Variants in ADGRB1 observed in about 807,000 individuals in gnomAD.
ADGRB1 encodes the protein adhesion G protein-coupled receptor B1, also known as brain-specific angiogenesis inhibitor 1.
ADGRB1 carries 36 observed loss-of-function variants against 175.7 expected under a neutral mutation model. That is an observed-to-expected ratio of 0.20 (90% CI 0.16 to 0.27). ADGRB1 has a LOEUF of 0.27. Among genes scored for constraint, ADGRB1 ranks in the 10% least tolerant of loss-of-function variants. The pLI is 1.00. For missense variants in ADGRB1, 1,731 were observed against 2,255.3 expected (o/e 0.77, Z 4.71); for synonymous variants, 1,054 against 979.4 (o/e 1.08, Z -1.42).
chr8:142,483,582 A>ATATT, intron 11 of ADGRB1, among the ~76,000 whole-genome samples: 1 of 145,736 alleles, frequency 6.9e-6, no homozygotes, highest in Admixed American at 6.8e-5. Flanking sequence ...CCCTGGTCAC[A>ATATT]CCCTGAGCCC....
In ADGRB1 at chr8:142,493,337, T is replaced by G. The variant is rs1275253748; in HGVS notation, c.2675+2522T>G. ...GCTTCCTGACCCTATGGCCAGGGTC[T>G]GCCTGCTTTTAGGCAGGGGCGGGGG... On this transcript the variant is annotated intron_variant, in intron 17 of 30. Transcript: ENST00000517894. The surrounding 1 kb of genome is among the most constrained non-coding windows in gnomAD (Gnocchi z 5.0). 6.6e-6 allele frequency among the ~76,000 whole-genome samples: 1 copy of G among 151,856 alleles called. No homozygotes were observed. Among genetic ancestry groups the G allele is most frequent in the African/African-American group, 2.4e-5 (1 of 41,348 alleles).
Position 142,533,493 on chromosome 8 carries a change from G to A in ADGRB1, c.3570+27G>A, listed in dbSNP as rs182134208. On this transcript the variant is annotated intron_variant, in intron 25 of 30. Transcript: ENST00000517894. Reference sequence around the variant, plus strand: ...TGGGTGAGGCAGCCTCTGTCGGGCCGGGCTCCTGCGGGGTCCTGGGGCTGC... The same window carrying A: ...TGGGTGAGGCAGCCTCTGTCGGGCCAGGCTCCTGCGGGGTCCTGGGGCTGC... The A allele has an allele frequency of 6.4e-5, 100 of 1,565,666 alleles. 1 individual carries two copies. The African/African-American group carries it at 9.2e-4, about 14-fold the overall frequency.
chr8:142,490,876 C>T, intron 17 of ADGRB1, 61 bp downstream of exon 17: 1 of 1,536,750 alleles, frequency 6.5e-7, no homozygotes, highest in Non-Finnish European at 8.8e-7. Context: ...GGAGGCTGGC[C>T]CAGTAGGGGA....
chr8:142,499,292 C>T (rs1400131866), intron 17 of ADGRB1, among the ~76,000 whole-genome samples: 4 of 152,330 alleles, frequency 2.6e-5, no homozygotes, highest in Non-Finnish European at 5.9e-5. Context: ...TCTTGGCTCC[C>T]GTGTCTTTAA....
At chr8:142,468,677 C>T (rs1338907738) in intron 2 of ADGRB1, among the ~76,000 whole-genome samples, 1 of 152,216 alleles carries the variant, frequency 6.6e-6, no homozygotes, top group Non-Finnish European at 1.5e-5. Flanking sequence ...GGAAGTCTTC[C>T]CTAGAGACCC....
Position 142,450,077 on chromosome 8 carries a change from G to T in ADGRB1, c.-247G>T, listed in dbSNP as rs1009242992. On this transcript the variant is annotated 5_prime_UTR_variant, in exon 1 of 31. Transcript: ENST00000517894. ...TTGCAACTCGCCGGATCGAGTCCTCGCCGGCGGGGCCGCTGCTGCTGGGGA... is the reference window on the plus strand; with the variant it reads ...TTGCAACTCGCCGGATCGAGTCCTCTCCGGCGGGGCCGCTGCTGCTGGGGA... 1.3e-5 allele frequency: 2 copies of T among 149,042 alleles called. No homozygotes were observed. The highest frequency in any genetic ancestry group is 4.9e-5 in the African/African-American group (2 of 40,668). The allele number at this position is 149,042 out of a possible 1,614,324, so 9.2% of individuals were successfully genotyped here.
intron 17 of ADGRB1, among the ~76,000 whole-genome samples, chr8:142,501,640 G>C (rs1842551978): frequency 6.8e-6 from 1 of 146,380 alleles, no homozygotes; most frequent in East Asian, 2.0e-4. Flanking sequence ...AGGTGGGGTG[G>C]TGGTGGTGAT....
chr8:142,479,669 C>A (rs1402410383), intron 8 of ADGRB1, 24 bp from the exon 9 acceptor site: 6 of 1,607,672 alleles, frequency 3.7e-6, no homozygotes, highest in Non-Finnish European at 5.1e-6. Context: ...CCTTCCTGAA[C>A]CCCTGTCCCG....
At chr8:142,540,924 A>G (rs1845234821) in intron 27 of ADGRB1, among the ~76,000 whole-genome samples, 2 of 152,080 alleles carry the variant, frequency 1.3e-5, no homozygotes, top group African/African-American at 2.4e-5. Flanking sequence ...GGGACGGGGA[A>G]GCCTGTGTTC....
chr8:142,541,307 A>G (rs1275297210), intron 27 of ADGRB1, among the ~76,000 whole-genome samples: 1 of 152,150 alleles, frequency 6.6e-6, no homozygotes, highest in Non-Finnish European at 1.5e-5. Flanking sequence ...TCAGAGGTCA[A>G]GGCGGCTGGG....
At chr8:142,484,847 G>A (rs975570816) in intron 13 of ADGRB1, 83 bp downstream of exon 13, 3 of 1,056,742 alleles carry the variant, frequency 2.8e-6, no homozygotes, top group Admixed American at 4.4e-5. Flanking sequence ...ATCCTCATCT[G>A]TATAAAGGGG....
Position 142,543,333 on chromosome 8 carries a change from C to T in ADGRB1, c.4414-70C>T. On this transcript the variant is annotated intron_variant, in intron 28 of 30. Transcript: ENST00000517894. This position sits in a 1 kb window ranked among gnomAD's most constrained non-coding sequence, Gnocchi z 4.4. Reference sequence around the variant, plus strand: ...CGAGTGAGTCCCTGATGCCCTCAGTCTGAGGCAGGGAGAGGCGTGGACTTG... The same window carrying T: ...CGAGTGAGTCCCTGATGCCCTCAGTTTGAGGCAGGGAGAGGCGTGGACTTG... 6.3e-7 allele frequency: 1 copy of T among 1,592,916 alleles called. No individual in the cohort carries two copies. The highest frequency in any genetic ancestry group is 1.1e-5 in the South Asian group (1 of 88,738).
Position 142,504,009 on chromosome 8 carries a change from A to G in ADGRB1, c.2676-6923A>G, listed in dbSNP as rs927995403. Among the ~76,000 whole-genome samples, 4 of 152,168 alleles carry G rather than the reference A, an allele frequency of 2.6e-5. No individual in the cohort carries two copies. Among genetic ancestry groups the G allele is most frequent in the African/African-American group, 9.7e-5 (4 of 41,442 alleles). On this transcript the variant is annotated intron_variant, in intron 17 of 30. Transcript: ENST00000517894. This position sits in a 1 kb window ranked among gnomAD's most constrained non-coding sequence, Gnocchi z 5.6. ...AAGCCCAGGAGCCAGCCTCATAGAC[A>G]GGGCACCAAGCCTGAGCAGGCTCCA...
rs540424896 is a variant in ADGRB1, at chr8:142,477,989, T to A, written c.1388-198T>A. ...GGATGTGGGGTGGTGGCCCCCAGGG[T>A]TTACTCACCCGTGTCCCAGCCTGGG... On this transcript the variant is annotated intron_variant, in intron 6 of 30. Transcript: ENST00000517894. Among the ~76,000 whole-genome samples, 10 of 149,838 alleles carry A rather than the reference T, an allele frequency of 6.7e-5. No individual in the cohort carries two copies. In the East Asian group the frequency reaches 2.0e-3, roughly 30 times the overall value.
intron 19 of ADGRB1, 139 bp from the exon 20 acceptor site, chr8:142,520,684 T>A (rs1843787328): frequency 4.6e-6 from 3 of 648,100 alleles, no homozygotes; most frequent in Middle Eastern, 2.4e-4. Flanking sequence ...GCGGTGATGA[T>A]GGTCATGGTG....
intron 25 of ADGRB1, 108 bp from the exon 26 acceptor site, chr8:142,536,879 G>A (rs1844957801): frequency 2.2e-6 from 2 of 913,478 alleles, no homozygotes; most frequent in Admixed American, 2.6e-5. Context: ...GACCAGCCCT[G>A]CCCTTCCCCG....
chr8:142,526,329 A>G (rs1285313458), intron 23 of ADGRB1, among the ~76,000 whole-genome samples: 1 of 152,126 alleles, frequency 6.6e-6, no homozygotes, highest in South Asian at 2.1e-4. Context: ...GGTGCGGGTG[A>G]CACACAGAGA....
intron 2 of ADGRB1, among the ~76,000 whole-genome samples, chr8:142,470,380 AGTGTGTGTGTCCTC>A (rs1425100432): frequency 6.6e-6 from 1 of 152,016 alleles, no homozygotes; most frequent in Non-Finnish European, 1.5e-5. Flanking sequence ...CCTGGGAGCA[AGTGTGTGTGTCCTC>A]GTGTGTGTGT....
In ADGRB1 at chr8:142,474,370, G is replaced by A. The variant is rs943406489; in HGVS notation, c.785-1104G>A. Among the ~76,000 whole-genome samples the A allele has an allele frequency of 4.6e-5, 7 of 152,120 alleles. No individual in the cohort carries two copies. The highest frequency in any genetic ancestry group is 8.8e-5 in the Non-Finnish European group (6 of 68,010). On this transcript the variant is annotated intron_variant, in intron 2 of 30. Coordinates refer to ENST00000517894, the MANE Select transcript of ADGRB1 (RefSeq NM_001702.3). This position sits in a 1 kb window ranked among gnomAD's most constrained non-coding sequence, Gnocchi z 5.8. ...CGTGGTGGCCGCCAGCTGTCTCCTC[G>A]CCACCGTAGCCAGGAGCAGCACTTG... is the stretch of plus-strand genomic sequence containing the variant.
Sources: allele counts gnomAD v4.1 joint callset (sites outside exome capture counted in the v4.1 genomes callset), GRCh38; gene constraint gnomAD v4.1.1; non-coding constraint Gnocchi (gnomAD v3.1); transcripts MANE v1.5; gene names NCBI Gene and HGNC (gene_info 2026-07-23, HGNC 2026-07-21).